The following FER1L6 variants were observed in gnomAD, a reference collection of about 807,000 sequenced individuals.
FER1L6 encodes fer-1 like family member 6, also known as fer-1-like protein 6.
Under a neutral mutation model 219.2 loss-of-function variants are expected in FER1L6, and 177 were observed. The ratio of observed to expected loss-of-function variants is 0.81; its 90% CI spans 0.71 to 0.91. The LOEUF is 0.91. Ranked by LOEUF, FER1L6 falls within the 40% of genes least tolerant of loss-of-function variation. The pLI, the probability that FER1L6 is intolerant of heterozygous loss-of-function variation, is 0.00. For synonymous variants in FER1L6, 768 were observed against 824.3 expected (o/e 0.93, Z 1.17); for missense variants, 2,153 against 2,259.9 (o/e 0.95, Z 0.96).
At chr8:123,874,946 C>T (rs1175845811) in intron 1 of FER1L6, among the ~76,000 whole-genome samples, 1 of 152,090 alleles carries the variant, frequency 6.6e-6, no homozygotes, top group African/African-American at 2.4e-5. Flanking sequence ...CCTGTAATCC[C>T]AGCACTTTGG....
At chr8:124,085,118 G>A (rs892054952) in intron 33 of FER1L6, among the ~76,000 whole-genome samples, 2 of 151,914 alleles carry the variant, frequency 1.3e-5, no homozygotes, top group Non-Finnish European at 1.5e-5. Context: ...TGCAGTATTG[G>A]TTGTAATGTC....
rs202006057 is a variant in FER1L6, at chr8:124,035,464, C to A, written c.2464+10C>A. 3.5e-4 allele frequency: 570 copies of A among 1,608,876 alleles called. 2 individuals carry two copies. The African/African-American group carries it at 4.8e-3, about 13-fold the overall frequency. ...AACCTGCTCTACCAAGGTAGGGTCC[C>A]CACTGGGCAAAGAGGGTCATTCGAG... On this transcript the variant is annotated intron_variant, in intron 19 of 40. Transcript: ENST00000522917.
At chr8:124,053,569 G>A (rs1820146585) in intron 22 of FER1L6, among the ~76,000 whole-genome samples, 1 of 152,180 alleles carries the variant, frequency 6.6e-6, no homozygotes, top group Admixed American at 6.5e-5. Context: ...GTGGATGTCT[G>A]GCATCAGTTT....
intron 13 of FER1L6, among the ~76,000 whole-genome samples, chr8:124,007,616 AC>A (rs1817723173): frequency 6.6e-6 from 1 of 152,194 alleles, no homozygotes; most frequent in South Asian, 2.1e-4. Flanking sequence ...CAGCATGCTC[AC>A]ATTTCCAACT....
Position 124,064,547 on chromosome 8 carries a change from G to A in FER1L6, c.3529G>A (p.Glu1177Lys). The change falls in exon 26 of 41, where the codon GAG (glutamate) becomes AAG (lysine). Residue 1177 changes from glutamate to lysine, a missense_variant. Coordinates refer to ENST00000522917, the MANE Select transcript of FER1L6 (RefSeq NM_001039112.2). Reference protein sequence around the residue: ...LEPEHTPVAQEPPKDGKPKDP... With the variant: ...LEPEHTPVAQKPPKDGKPKDP... ...GCCTGAACACACACCTGTAGCCCAGGAGCCACCAAAAGATGGAAAACCTAA... is the reference window on the plus strand; with the variant it reads ...GCCTGAACACACACCTGTAGCCCAGAAGCCACCAAAAGATGGAAAACCTAA... 1 of 1,609,948 alleles carries A rather than the reference G, an allele frequency of 6.2e-7. No homozygotes were observed. The highest frequency in any genetic ancestry group is 1.1e-5 in the South Asian group (1 of 90,168).
intron 1 of FER1L6, among the ~76,000 whole-genome samples, chr8:123,890,283 C>T (rs944457634): frequency 3.9e-5 from 6 of 152,066 alleles, no homozygotes; most frequent in Admixed American, 3.9e-4. Flanking sequence ...AATTTGTATA[C>T]TGGGAGCATA....
At chr8:124,002,379 AG>A (rs1817452883) in intron 12 of FER1L6, among the ~76,000 whole-genome samples, 1 of 152,160 alleles carries the variant, frequency 6.6e-6, no homozygotes, top group Non-Finnish European at 1.5e-5. Context: ...CGAAGAAGTT[AG>A]GAAGGCTTCC....
At chr8:124,104,945 G>A (rs1443462340) in intron 39 of FER1L6, among the ~76,000 whole-genome samples, 1 of 152,146 alleles carries the variant, frequency 6.6e-6, no homozygotes, top group Non-Finnish European at 1.5e-5. Flanking sequence ...TTATCATAGA[G>A]CTTACAGTCT....
chr8:124,087,635 A>C (rs1821839325), intron 33 of FER1L6, among the ~76,000 whole-genome samples: 1 of 152,056 alleles, frequency 6.6e-6, no homozygotes, highest in African/African-American at 2.4e-5. Flanking sequence ...ATGCTTGTGG[A>C]TGTTCATCAG....
At chr8:123,891,742 T>C (rs1812653612) in intron 1 of FER1L6, among the ~76,000 whole-genome samples, 1 of 152,162 alleles carries the variant, frequency 6.6e-6, no homozygotes, top group Non-Finnish European at 1.5e-5. Flanking sequence ...TTCTAGATCT[T>C]GAGCATTGAC....
chr8:123,926,298 G>C (rs1813559334), intron 1 of FER1L6, among the ~76,000 whole-genome samples: 1 of 152,160 alleles, frequency 6.6e-6, no homozygotes, highest in Non-Finnish European at 1.5e-5. Context: ...TTAGTATTAT[G>C]TTTAAGAATC....
At chr8:123,939,140 C>A in intron 1 of FER1L6, 1 of 984,818 alleles carries the variant, frequency 1.0e-6, no homozygotes, top group Non-Finnish European at 1.2e-6. Flanking sequence ...TGGGGCTTGG[C>A]AGCATTTCTC....
chr8:124,016,037 T>C (rs976563502), intron 15 of FER1L6: 9 of 152,694 alleles, frequency 5.9e-5, no homozygotes, highest in African/African-American at 1.9e-4. Context: ...AGCAGACAGG[T>C]TGGGTCTGAA....
intron 15 of FER1L6, 148 bp from the exon 16 acceptor site, chr8:124,017,480 A>G (rs905884443): frequency 3.9e-5 from 22 of 566,352 alleles, no homozygotes; most frequent in Middle Eastern, 8.5e-4. Flanking sequence ...AAGTTAATAC[A>G]TAGTTGCTTA....
chr8:124,092,054 C>T (rs527265487), intron 34 of FER1L6, among the ~76,000 whole-genome samples: 94 of 151,946 alleles, frequency 6.2e-4, no homozygotes, highest in African/African-American at 2.1e-3. Flanking sequence ...CTTATAATCC[C>T]CAAGTTCAGA....
At chr8:123,869,718 G>T (rs1816895265) in intron 1 of FER1L6, among the ~76,000 whole-genome samples, 1 of 152,152 alleles carries the variant, frequency 6.6e-6, no homozygotes, top group Non-Finnish European at 1.5e-5. Flanking sequence ...AAAGGCAAAA[G>T]AATTCAACTA....
chr8:124,070,746 A>G, intron 30 of FER1L6, 148 bp downstream of exon 30: 3 of 632,500 alleles, frequency 4.7e-6, no homozygotes, highest in Non-Finnish European at 7.4e-6. Context: ...ACTCCACAAA[A>G]CCTAGCCCCA....
intron 1 of FER1L6, among the ~76,000 whole-genome samples, chr8:123,933,756 C>T (rs1186125995): frequency 6.6e-6 from 1 of 152,188 alleles, no homozygotes; most frequent in Non-Finnish European, 1.5e-5. Context: ...TGGTCATTTC[C>T]AGCCTCCCTT....
At chr8:123,915,559 T>G (rs1027013085) in intron 1 of FER1L6, among the ~76,000 whole-genome samples, 1 of 152,140 alleles carries the variant, frequency 6.6e-6, no homozygotes, top group Non-Finnish European at 1.5e-5. Flanking sequence ...TTGTTGACCA[T>G]GTTATGAATA....
Sources: gnomAD v4.1 joint callset for allele counts (sites outside exome capture counted in the v4.1 genomes callset) on GRCh38, gnomAD v4.1.1 for gene constraint, MANE v1.5 for transcripts, NCBI Gene and HGNC (gene_info 2026-07-23, HGNC 2026-07-21) for gene names.